PIGF: variants seen among roughly 807,000 people sequenced by gnomAD.
PIGF encodes the protein phosphatidylinositol glycan anchor biosynthesis class F, also known as GPI ethanolamine phosphate transferase, stabilizing subunit.
Under a neutral mutation model 26.0 loss-of-function variants are expected in PIGF, and 23 were observed. The observed-to-expected ratio is 0.88, with a 90% CI of 0.64 to 1.25. The LOEUF (loss-of-function observed/expected upper bound fraction) is 1.25. PIGF is among the 50% of genes most tolerant of loss of function. The pLI, the probability that PIGF is intolerant of heterozygous loss-of-function variation, is 0.00. For synonymous variants in PIGF, 93 were observed against 92.6 expected, an observed-to-expected ratio of 1.00 and a Z score of -0.03; for missense variants, 278 against 249.9, an observed-to-expected ratio of 1.11 and a Z score of -0.76.
At chr2:46,610,980 T>A (rs1670396534) in intron 4 of PIGF, among the ~76,000 whole-genome samples, 1 of 152,238 alleles carries the variant, frequency 6.6e-6, no homozygotes, top group Admixed American at 6.5e-5. Flanking sequence ...CCATTCTCCT[T>A]GCACGAGGTG....
At chr2:46,605,147 CT>C (rs1263049404) in intron 4 of PIGF, among the ~76,000 whole-genome samples, 1 of 151,838 alleles carries the variant, frequency 6.6e-6, no homozygotes, top group Non-Finnish European at 1.5e-5. Context: ...AATATTTTTG[CT>C]TAAAAGTGAA....
At chr2:46,585,489 C>A (rs541872600) in intron 5 of PIGF, among the ~76,000 whole-genome samples, 2 of 152,204 alleles carry the variant, frequency 1.3e-5, no homozygotes, top group Admixed American at 1.3e-4. Flanking sequence ...AACATCTGAG[C>A]CTCAGTTTCC....
rs991986127 is a variant in PIGF, at chr2:46,581,252, T to G, written c.*226A>C. On this transcript the variant is annotated 3_prime_UTR_variant, in exon 6 of 6. Coordinates refer to ENST00000281382, the MANE Select transcript of PIGF (RefSeq NM_002643.4). ...TGTATTAAGAATGTTCCTTAAAGGT[T>G]TAAGAAGCAGTAAGCAGCATCTGAA... is the stretch of plus-strand genomic sequence containing the variant. 2.0e-6 allele frequency: 2 copies of G among 991,712 alleles called. No homozygotes were observed. Among genetic ancestry groups the G allele is most frequent in the Non-Finnish European group, 2.9e-6 (2 of 687,264 alleles). 61.4% of individuals were successfully genotyped at this position (991,712 alleles called of 1,614,324 possible).
In PIGF at chr2:46,581,392, T is replaced by C. The variant is rs1474465905; in HGVS notation, c.*86A>G. The C allele has an allele frequency of 6.5e-7, 1 of 1,530,758 alleles. No individual in the cohort carries two copies. Among genetic ancestry groups the C allele is most frequent in the East Asian group, 2.4e-5 (1 of 40,872 alleles). The allele number at this position is 1,530,758 out of a possible 1,614,324, so 94.8% of individuals were successfully genotyped here. The stretch of plus-strand genomic sequence containing the variant: ...TGTAACTACGTAAAAAACAGAGCTG[T>C]AAATGGAACTGCTTGGCTTTGACCA... On this transcript the variant is annotated 3_prime_UTR_variant, in exon 6 of 6. Transcript: ENST00000281382.
At chr2:46,608,303 T>C (rs537329748) in intron 4 of PIGF, among the ~76,000 whole-genome samples, 1 of 152,320 alleles carries the variant, frequency 6.6e-6, no homozygotes, top group East Asian at 1.9e-4. Flanking sequence ...TCTGTTCCAG[T>C]TTTATCATAA....
At chr2:46,604,347 T>C (rs772280406) in intron 4 of PIGF, among the ~76,000 whole-genome samples, 3 of 151,902 alleles carry the variant, frequency 2.0e-5, no homozygotes, top group African/African-American at 4.8e-5. Flanking sequence ...AGCAATCACA[T>C]TGCTAGGTAT....
intron 4 of PIGF, among the ~76,000 whole-genome samples, chr2:46,604,362 C>G (rs773383734): frequency 1.3e-5 from 2 of 151,524 alleles, no homozygotes; most frequent in South Asian, 2.1e-4. Flanking sequence ...AGGTATATAC[C>G]CAAAAGAAAG....
At position 46,581,250 on chromosome 2, in the gene PIGF, G is replaced by A. The variant is rs1669357787; in HGVS notation, c.*228C>T. 1.0e-6 allele frequency: 1 copy of A among 989,756 alleles called. No homozygotes were observed. Among genetic ancestry groups the A allele is most frequent in the Admixed American group, 3.0e-5 (1 of 32,886 alleles). 61.3% of individuals were successfully genotyped at this position (989,756 alleles called of 1,614,324 possible). ...AGTGTATTAAGAATGTTCCTTAAAG[G>A]TTTAAGAAGCAGTAAGCAGCATCTG... On this transcript the variant is annotated 3_prime_UTR_variant, in exon 6 of 6. Transcript: ENST00000281382.
chr2:46,600,584 C>T (rs1670025985), intron 4 of PIGF, among the ~76,000 whole-genome samples: 1 of 152,072 alleles, frequency 6.6e-6, no homozygotes, highest in Non-Finnish European at 1.5e-5. Flanking sequence ...TTCTGTTTCT[C>T]AATGATTAGG....
intron 4 of PIGF, among the ~76,000 whole-genome samples, chr2:46,602,385 A>G (rs141393884): frequency 6.6e-6 from 1 of 151,972 alleles, no homozygotes; most frequent in Admixed American, 6.5e-5. Context: ...TGTGTTCAAC[A>G]TAAGTTTTCT....
intron 5 of PIGF, chr2:46,591,971 C>T (rs1217191100): frequency 1.5e-6 from 2 of 1,301,514 alleles, no homozygotes; most frequent in Non-Finnish European, 2.0e-6. Context: ...CAATCAAGTT[C>T]AGAAAATATG....
At position 46,599,750 on chromosome 2, in the gene PIGF, T is replaced by G. The variant is rs568965156; in HGVS notation, c.438-7167A>C. Among the ~76,000 whole-genome samples, 213 of 152,306 alleles carry G rather than the reference T, an allele frequency of 1.4e-3. 8 individuals carry two copies. In the South Asian group the frequency reaches 0.042, roughly 30 times the overall value. On this transcript the variant is annotated intron_variant, in intron 4 of 5. Transcript: ENST00000281382. ...ATGGTAAACTGTGTGGAGGTTTTTT[T>G]GTTTATTTTTGCTTCTAGGGTAGCA... is the stretch of plus-strand genomic sequence containing the variant.
intron 5 of PIGF, chr2:46,592,001 A>C (rs1669735659): frequency 2.3e-6 from 3 of 1,282,340 alleles, no homozygotes; most frequent in Non-Finnish European, 3.1e-6. Flanking sequence ...CCACAAGGGC[A>C]ATAAATATCA....
At chr2:46,614,262 AC>A (rs34059179) in intron 2 of PIGF, 1 of 152,854 alleles carries the variant, frequency 6.5e-6, no homozygotes, top group South Asian at 2.0e-4. Flanking sequence ...ATATTACACA[AC>A]CCGTATGAAA....
chr2:46,598,529 ATTT>A (rs747263045), intron 4 of PIGF, among the ~76,000 whole-genome samples: 8,042 of 103,264 alleles, frequency 0.078, 356 homozygotes, highest in Non-Finnish European at 0.11. Flanking sequence ...ACATTATGAG[ATTT>A]TTTTTTTTTT....
At chr2:46,601,143 T>C (rs1670042623) in intron 4 of PIGF, among the ~76,000 whole-genome samples, 1 of 152,088 alleles carries the variant, frequency 6.6e-6, no homozygotes, top group African/African-American at 2.4e-5. Context: ...GTACTCTCAT[T>C]TTGTAAGTTT....
intron 4 of PIGF, among the ~76,000 whole-genome samples, 176 bp from the exon 5 acceptor site, chr2:46,592,759 T>G (rs940037417): frequency 1.3e-5 from 2 of 152,220 alleles, no homozygotes; most frequent in East Asian, 3.8e-4. Context: ...GGTAAGAAGA[T>G]GTAAATGTTT....
At chr2:46,581,805 T>C (rs1177517943) in intron 5 of PIGF, 46 of 567,716 alleles carry the variant, frequency 8.1e-5, no homozygotes, top group Admixed American at 1.3e-4. Context: ...CTGGCAATTG[T>C]AGATTTAGTT....
At chr2:46,582,892 G>A (rs1466780102) in intron 5 of PIGF, 1 of 152,306 alleles carries the variant, frequency 6.6e-6, no homozygotes, top group Admixed American at 6.6e-5. Flanking sequence ...TCTCTGAATC[G>A]GACATTTGGA....
Sources: allele counts gnomAD v4.1 joint callset (sites outside exome capture counted in the v4.1 genomes callset), GRCh38; gene constraint gnomAD v4.1.1; transcripts MANE v1.5; gene names NCBI Gene and HGNC (gene_info 2026-07-23, HGNC 2026-07-21).